AFG2A: variants seen among roughly 807,000 people sequenced by gnomAD.
AFG2A encodes the protein ATPase family gene 2 protein homolog A.
the AFG2A span, among the ~76,000 whole-genome samples, chr4:123,013,386 A>G: frequency 1.3e-5 from 2 of 152,174 alleles, no homozygotes; most frequent in Non-Finnish European, 2.9e-5. Context: ...GACCACATGT[A>G]TGGGTTTAAT....
chr4:123,168,437 A>C, the AFG2A span, among the ~76,000 whole-genome samples: 1 of 152,206 alleles, frequency 6.6e-6, no homozygotes, highest in South Asian at 2.1e-4. Context: ...ATAAAAGTAC[A>C]TATATTTTTA....
At chr4:122,940,035 G>T in the AFG2A span, among the ~76,000 whole-genome samples, 63 of 152,260 alleles carry the variant, frequency 4.1e-4, no homozygotes, top group East Asian at 0.012. Flanking sequence ...CTGTCATTGT[G>T]GGACATTTGG....
At chr4:123,041,963 A>G in the AFG2A span, among the ~76,000 whole-genome samples, 1 of 152,216 alleles carries the variant, frequency 6.6e-6, no homozygotes, top group South Asian at 2.1e-4. Flanking sequence ...TTAATTGAAT[A>G]TGATGCAAGG....
chr4:123,150,395 A>G, the AFG2A span, among the ~76,000 whole-genome samples: 1 of 152,146 alleles, frequency 6.6e-6, no homozygotes, highest in South Asian at 2.1e-4. Flanking sequence ...CAGCCCAAAA[A>G]CTCCTTAAGC....
At chr4:123,041,277 A>ATTTTTT in the AFG2A span, among the ~76,000 whole-genome samples, 1,573 of 118,068 alleles carry the variant, frequency 0.013, 41 homozygotes, top group East Asian at 0.071. Flanking sequence ...CGCCCAGCTA[A>ATTTTTT]TTTTTTTTTT....
chr4:123,274,974 C>T, the AFG2A span, among the ~76,000 whole-genome samples: 2 of 151,920 alleles, frequency 1.3e-5, no homozygotes. Flanking sequence ...TGAGTTGTAC[C>T]CATATATTCA....
the AFG2A span, among the ~76,000 whole-genome samples, chr4:123,007,379 G>A: frequency 6.6e-6 from 1 of 151,260 alleles, no homozygotes; most frequent in East Asian, 2.0e-4. Flanking sequence ...GCTTTTCTTT[G>A]GTCTTGTGTG....
the AFG2A span, among the ~76,000 whole-genome samples, chr4:122,981,237 T>C: frequency 2.6e-5 from 4 of 152,212 alleles, no homozygotes; most frequent in South Asian, 2.1e-4. Context: ...ATGGATATCA[T>C]GTGGATATAC....
chr4:122,940,973 G>A, the AFG2A span, among the ~76,000 whole-genome samples: 1 of 151,750 alleles, frequency 6.6e-6, no homozygotes, highest in Non-Finnish European at 1.5e-5. Context: ...TGAGGGCTCT[G>A]TTCTGTTCCA....
chr4:122,967,924 C>A, the AFG2A span, among the ~76,000 whole-genome samples: 1 of 152,114 alleles, frequency 6.6e-6, no homozygotes, highest in Non-Finnish European at 1.5e-5. Context: ...GAATAAACTT[C>A]ATTGTATATG....
At chr4:123,075,197 GCCTCCC>G in the AFG2A span, among the ~76,000 whole-genome samples, 21 of 152,052 alleles carry the variant, frequency 1.4e-4, no homozygotes, top group African/African-American at 4.6e-4. Flanking sequence ...GCCCACCTTA[GCCTCCC>G]AAAGTGCTGG....
the AFG2A span, among the ~76,000 whole-genome samples, chr4:123,146,079 A>G: frequency 6.6e-6 from 1 of 152,156 alleles, no homozygotes; most frequent in Non-Finnish European, 1.5e-5. Context: ...CAGATTTCTC[A>G]ACAACACTAG....
the AFG2A span, among the ~76,000 whole-genome samples, chr4:123,273,642 C>T: frequency 2.0e-3 from 301 of 152,202 alleles, 2 homozygotes; most frequent in African/African-American, 7.0e-3. Context: ...TTTTTGAGCA[C>T]GGGCATGATG....
the AFG2A span, among the ~76,000 whole-genome samples, chr4:123,151,435 C>T: frequency 6.6e-6 from 1 of 152,088 alleles, no homozygotes; most frequent in South Asian, 2.1e-4. Context: ...AAAAAACAAA[C>T]ATTCCCATCA....
At chr4:122,934,198 T>C in the AFG2A span, 5 of 1,614,136 alleles carry the variant, frequency 3.1e-6, no homozygotes, top group African/African-American at 1.3e-5. Context: ...TGGCATGATA[T>C]TGGGAGGGCC....
At chr4:123,186,820 A>G in the AFG2A span, among the ~76,000 whole-genome samples, 2 of 152,166 alleles carry the variant, frequency 1.3e-5, no homozygotes, top group Non-Finnish European at 2.9e-5. Flanking sequence ...TTAATTAAAA[A>G]GAGAATACCC....
chr4:123,303,791 G>C, the AFG2A span, among the ~76,000 whole-genome samples: 1 of 151,498 alleles, frequency 6.6e-6, no homozygotes, highest in African/African-American at 2.4e-5. Flanking sequence ...AAACAACTTT[G>C]AATCAGCAAA....
chr4:123,224,807 A>G, the AFG2A span, among the ~76,000 whole-genome samples: 1 of 152,180 alleles, frequency 6.6e-6, no homozygotes, highest in Non-Finnish European at 1.5e-5. Flanking sequence ...CAATGGTTGA[A>G]CTAGTTTACA....
chr4:123,014,651 T>C, the AFG2A span, among the ~76,000 whole-genome samples: 1 of 152,212 alleles, frequency 6.6e-6, no homozygotes, highest in African/African-American at 2.4e-5. Context: ...ATTAAACTGA[T>C]TATTGAAATC....
Sources: allele counts gnomAD v4.1 joint callset (sites outside exome capture counted in the v4.1 genomes callset), GRCh38; gene constraint gnomAD v4.1.1; transcripts MANE v1.5; gene names NCBI Gene and HGNC (gene_info 2026-07-23, HGNC 2026-07-21).